YWHAQ: variants seen among roughly 807,000 people sequenced by gnomAD.
YWHAQ encodes tyrosine 3-monooxygenase/tryptophan 5-monooxygenase activation protein theta.
YWHAQ carries 6 observed loss-of-function variants against 28.3 expected under a neutral mutation model. That is an observed-to-expected ratio of 0.21 (90% CI 0.12 to 0.42). YWHAQ has a LOEUF of 0.42. YWHAQ is among the 10% of genes least tolerant of loss of function. The pLI is 1.00. For synonymous variants in YWHAQ, 143 were observed against 119.1 expected, an observed-to-expected ratio of 1.20 and a Z score of -1.31; for missense variants, 201 against 305.6, an observed-to-expected ratio of 0.66 and a Z score of 2.55.
In YWHAQ at chr2:9,585,097, C is replaced by T. The variant is rs910377629; in HGVS notation, c.*189G>A. 6.3e-6 allele frequency: 4 copies of T among 631,418 alleles called. No individual in the cohort carries two copies. The African/African-American group carries it at 7.4e-5, about 12-fold the overall frequency. 39.1% of individuals were successfully genotyped at this position (631,418 alleles called of 1,614,324 possible). A position where few individuals can be genotyped will look rare whatever the true frequency, so the allele number is the denominator to read the frequency against. ...TACTTTTCTACAGCAGTACTGCACA[C>T]CAGGAAGGCCAAGACAAACACAAAT... is the stretch of plus-strand genomic sequence containing the variant. On this transcript the variant is annotated 3_prime_UTR_variant, in exon 6 of 6. Transcript: ENST00000238081.
Position 9,630,498 on chromosome 2 carries a change from G to C in YWHAQ, c.-46C>G. The C allele has an allele frequency of 4.7e-6, 7 of 1,499,418 alleles. No individual in the cohort carries two copies. Among genetic ancestry groups the C allele is most frequent in the Non-Finnish European group, 6.2e-6 (7 of 1,126,688 alleles). 92.9% of individuals were successfully genotyped at this position (1,499,418 alleles called of 1,614,324 possible). A position where few individuals can be genotyped will look rare whatever the true frequency, so the allele number is the denominator to read the frequency against. ...CGGGGCGGAGGGCGAGGAGAGCGAG[G>C]GCGAGCGCCGACCCGCAGCGGGAGG... On this transcript the variant is annotated 5_prime_UTR_variant, in exon 2 of 6. Coordinates refer to ENST00000238081, the MANE Select transcript of YWHAQ (RefSeq NM_006826.4). The surrounding 1 kb of genome is among the most constrained non-coding windows in gnomAD (Gnocchi z 5.6).
At position 9,584,077 on chromosome 2, in the gene YWHAQ, C is replaced by T. The variant is rs1666300734; in HGVS notation, c.*1209G>A. 1 of 152,422 alleles carries T rather than the reference C, an allele frequency of 6.6e-6. No individual in the cohort carries two copies. Among genetic ancestry groups the T allele is most frequent in the Non-Finnish European group, 1.5e-5 (1 of 68,046 alleles). The allele number at this position is 152,422 out of a possible 1,614,324, so 9.4% of individuals were successfully genotyped here. On this transcript the variant is annotated 3_prime_UTR_variant, in exon 6 of 6. Transcript: ENST00000238081. ...TGAGACTGATCTATAGTAAAACACT[C>T]TAAGAAATGCAGTCCAATTTTATAC... is the stretch of plus-strand genomic sequence containing the variant.
At chr2:9,603,734 G>A (rs1666761180) in intron 2 of YWHAQ, among the ~76,000 whole-genome samples, 1 of 151,738 alleles carries the variant, frequency 6.6e-6, no homozygotes, top group Non-Finnish European at 1.5e-5. Context: ...GAGCAGCCTG[G>A]CTAGCATGGT....
intron 5 of YWHAQ, 77 bp from the exon 6 acceptor site, chr2:9,585,422 T>A (rs1484169623): frequency 6.6e-7 from 1 of 1,506,772 alleles, no homozygotes; most frequent in East Asian, 2.3e-5. Context: ...TATATCAAAA[T>A]TAACTACAAG....
At chr2:9,626,768 C>A (rs569174779) in intron 2 of YWHAQ, among the ~76,000 whole-genome samples, 1 of 152,144 alleles carries the variant, frequency 6.6e-6, no homozygotes, top group Non-Finnish European at 1.5e-5. Context: ...TTGCTCTTGC[C>A]AACACTCAGT....
chr2:9,602,862 A>AAAATATAT (rs1666739720), intron 2 of YWHAQ, among the ~76,000 whole-genome samples: 2 of 20,870 alleles, frequency 9.6e-5, no homozygotes, highest in Non-Finnish European at 1.5e-4. Context: ...AAAAAAAAAA[A>AAAATATAT]ATATATATAT....
chr2:9,624,316 G>A (rs958676461), intron 2 of YWHAQ, among the ~76,000 whole-genome samples: 1 of 152,170 alleles, frequency 6.6e-6, no homozygotes, highest in East Asian at 1.9e-4. Context: ...ATAAGTTTCA[G>A]TAAGGTGAAC....
rs544961236 is a variant in YWHAQ at position 9,588,821 on chromosome 2, T to C, written c.419-493A>G. On this transcript the variant is annotated intron_variant, in intron 3 of 5. Transcript: ENST00000238081. The stretch of plus-strand genomic sequence containing the variant: ...TGTGTACTGGGTATTTAAGAACTTG[T>C]TTATGGCCAGGTGCAGTGGCTCATG... Among the ~76,000 whole-genome samples, 101 of 151,922 alleles carry C rather than the reference T, an allele frequency of 6.6e-4. 1 individual carries two copies. The highest frequency in any genetic ancestry group is 2.0e-3 in the African/African-American group (82 of 41,448).
chr2:9,610,425 A>G (rs1666920543), intron 2 of YWHAQ, among the ~76,000 whole-genome samples: 1 of 152,202 alleles, frequency 6.6e-6, no homozygotes, highest in Non-Finnish European at 1.5e-5. Context: ...TGTGTCATAC[A>G]GCATGACACA....
intron 2 of YWHAQ, among the ~76,000 whole-genome samples, chr2:9,602,527 G>C (rs1413517240): frequency 6.7e-6 from 1 of 150,082 alleles, no homozygotes; most frequent in Non-Finnish European, 1.5e-5. Context: ...TTTTTAAACA[G>C]CTACTCCTGA....
At chr2:9,606,618 C>A (rs1233930556) in intron 2 of YWHAQ, among the ~76,000 whole-genome samples, 1 of 152,156 alleles carries the variant, frequency 6.6e-6, no homozygotes, top group Non-Finnish European at 1.5e-5. Flanking sequence ...CAACCTCCGC[C>A]ACTCAGGTTC....
At chr2:9,602,464 T>G (rs1204566026) in intron 2 of YWHAQ, among the ~76,000 whole-genome samples, 1 of 151,984 alleles carries the variant, frequency 6.6e-6, no homozygotes, top group Non-Finnish European at 1.5e-5. Context: ...TTATGCCTCC[T>G]TAACTAAGTT....
rs964588688 is a variant in YWHAQ at position 9,630,958 on chromosome 2, C to A, written c.-100G>T. 1 of 152,716 alleles carries A rather than the reference C, an allele frequency of 6.5e-6. No individual in the cohort carries two copies. The highest frequency in any genetic ancestry group is 1.5e-5 in the Non-Finnish European group (1 of 68,128). The allele number at this position is 152,716 out of a possible 1,614,324, so 9.5% of individuals were successfully genotyped here. The stretch of plus-strand genomic sequence containing the variant: ...GCGCTCACCTTCACGTCTCCGCGGC[C>A]GCGACGCGAGTCCCACCACTTTGAT... On this transcript the variant is annotated 5_prime_UTR_variant, in exon 1 of 6. Transcript: ENST00000238081. This position sits in a 1 kb window ranked among gnomAD's most constrained non-coding sequence, Gnocchi z 5.6.
rs1312062237 is a variant in YWHAQ at position 9,630,787 on chromosome 2, G to C, written c.-83+154C>G. 6.7e-6 allele frequency: 1 copy of C among 149,742 alleles called. No individual in the cohort carries two copies. The highest frequency in any genetic ancestry group is 1.5e-5 in the Non-Finnish European group (1 of 67,568). The allele number at this position is 149,742 out of a possible 1,614,324, so 9.3% of individuals were successfully genotyped here. On this transcript the variant is annotated intron_variant, in intron 1 of 5. Transcript: ENST00000238081. This position sits in a 1 kb window ranked among gnomAD's most constrained non-coding sequence, Gnocchi z 5.6. Reference sequence around the variant, plus strand: ...CGCCACCCCCGCCCGGCCGGCCCAAGATGGAAGCGACCGTTGGCCCCGCAC... The same window carrying C: ...CGCCACCCCCGCCCGGCCGGCCCAACATGGAAGCGACCGTTGGCCCCGCAC...
At chr2:9,590,704 CTA>C (rs937230555) in intron 3 of YWHAQ, among the ~76,000 whole-genome samples, 2 of 151,770 alleles carry the variant, frequency 1.3e-5, no homozygotes, top group African/African-American at 4.8e-5. Context: ...TCCATGTTTT[CTA>C]TGATAGTCTA....
At chr2:9,619,539 C>A (rs927878255) in intron 2 of YWHAQ, among the ~76,000 whole-genome samples, 1 of 151,598 alleles carries the variant, frequency 6.6e-6, no homozygotes, top group African/African-American at 2.4e-5. Context: ...CAGAGGGAGA[C>A]CTTGTCTCAC....
chr2:9,629,743 C>T (rs1031333162), intron 2 of YWHAQ, among the ~76,000 whole-genome samples: 2 of 152,172 alleles, frequency 1.3e-5, no homozygotes, highest in East Asian at 3.8e-4. Flanking sequence ...GGGAAAAAAT[C>T]CCTACTACAT....
chr2:9,609,305 T>G (rs1666898018), intron 2 of YWHAQ, among the ~76,000 whole-genome samples: 3 of 151,226 alleles, frequency 2.0e-5, no homozygotes, highest in African/African-American at 7.3e-5. Context: ...TAAAAAAAAA[T>G]GAAAACAACT....
intron 5 of YWHAQ, among the ~76,000 whole-genome samples, chr2:9,586,114 G>A (rs1156255203): frequency 6.6e-6 from 1 of 152,100 alleles, no homozygotes; most frequent in East Asian, 1.9e-4. Context: ...TGTGTGAAGG[G>A]CTAAACTATA....
Sources: gnomAD v4.1 joint callset for allele counts (sites outside exome capture counted in the v4.1 genomes callset) on GRCh38, gnomAD v4.1.1 for gene constraint, Gnocchi (gnomAD v3.1) non-coding constraint, MANE v1.5 for transcripts, NCBI Gene and HGNC (gene_info 2026-07-23, HGNC 2026-07-21) for gene names.